Variants in PCDHA8 observed in about 807,000 individuals in gnomAD.
PCDHA8 encodes protocadherin alpha-8.
Under a neutral mutation model 61.8 loss-of-function variants are expected in PCDHA8, and 53 were observed. The ratio of observed to expected loss-of-function variants is 0.86; its 90% CI spans 0.69 to 1.08. PCDHA8 has a LOEUF of 1.08. Among genes scored for constraint, PCDHA8 ranks in the 50% least tolerant of loss-of-function variants. PCDHA8 has a pLI of 0.00. For synonymous variants in PCDHA8, 618 were observed against 556.6 expected, an observed-to-expected ratio of 1.11 and a Z score of -1.55; for missense variants, 1,293 against 1,245.0, an observed-to-expected ratio of 1.04 and a Z score of -0.58.
chr5:140,948,107 C>T (rs1156492592), intron 1 of PCDHA8, among the ~76,000 whole-genome samples: 3 of 151,432 alleles, frequency 2.0e-5, no homozygotes, highest in Middle Eastern at 3.2e-3. Flanking sequence ...GATTTTTCTT[C>T]GTTTTACTAA....
At position 140,929,044 on chromosome 5, in the gene PCDHA8, T is replaced by C. The variant is rs17844369; in HGVS notation, c.2395-49905T>C. ...GAGCCCAGGCTGTTGCGCTCAGAGC[T>C]GCTGTCGCTCTACAGAGGATCTGAG... On this transcript the variant is annotated intron_variant, in intron 1 of 3. Coordinates refer to ENST00000531613, the MANE Select transcript of PCDHA8 (RefSeq NM_018911.3). 7 of 1,614,100 alleles carry C rather than the reference T, an allele frequency of 4.3e-6. No individual in the cohort carries two copies. The East Asian group carries it at 1.6e-4, about 36-fold the overall frequency.
chr5:140,950,917 A>ACT (rs1554219681), intron 1 of PCDHA8, among the ~76,000 whole-genome samples: 4 of 151,642 alleles, frequency 2.6e-5, no homozygotes, highest in African/African-American at 9.7e-5. Context: ...ATTTTATTTC[A>ACT]GTTCTTTTTC....
Position 140,973,415 on chromosome 5 carries a change from A to C in PCDHA8, c.2395-5534A>C, listed in dbSNP as rs552618579. On this transcript the variant is annotated intron_variant, in intron 1 of 3. Coordinates refer to ENST00000531613, the MANE Select transcript of PCDHA8 (RefSeq NM_018911.3). ...AATCATATCTATGAGCTTCCACTCC[A>C]GTTTTTCATCCTCTGATGGTCACTT... Among the ~76,000 whole-genome samples the C allele has an allele frequency of 1.8e-3, 272 of 152,344 alleles. 1 individual carries two copies. Among genetic ancestry groups the C allele is most frequent in the Non-Finnish European group, 3.1e-3 (212 of 68,028 alleles).
Position 140,862,133 on chromosome 5 carries a change from T to C in PCDHA8, c.2394+18418T>C, listed in dbSNP as rs188346525. ...GTGGATAAATAAATGTAAAGATAGGTTTTGAGGAAACTAAATAATGAAAGA... is the reference window on the plus strand; with the variant it reads ...GTGGATAAATAAATGTAAAGATAGGCTTTGAGGAAACTAAATAATGAAAGA... On this transcript the variant is annotated intron_variant, in intron 1 of 3. Transcript: ENST00000531613. The C allele has an allele frequency of 2.2e-3, 352 of 163,204 alleles. 2 individuals carry two copies. Among genetic ancestry groups the C allele is most frequent in the South Asian group, 2.0e-3 (12 of 5,916 alleles). The allele number at this position is 163,204 out of a possible 1,614,324, so 10.1% of individuals were successfully genotyped here.
intron 1 of PCDHA8, chr5:140,969,446 C>A (rs782526198): frequency 6.5e-7 from 1 of 1,541,082 alleles, no homozygotes; most frequent in African/African-American, 1.4e-5. Flanking sequence ...ATCTGGTAAA[C>A]TGAGTATATA....
At chr5:140,877,792 C>T (rs782259804) in intron 1 of PCDHA8, 1 of 1,614,004 alleles carries the variant, frequency 6.2e-7, no homozygotes, top group Non-Finnish European at 8.5e-7. Context: ...GGCCTTCAGC[C>T]CAAGCCTTCA....
chr5:140,849,741 G>A, intron 1 of PCDHA8: 2 of 1,598,488 alleles, frequency 1.3e-6, no homozygotes, highest in Non-Finnish European at 8.6e-7. Context: ...TCTGGACCGC[G>A]AGAGTGTGTC....
chr5:140,900,141 A>G (rs2067777266), intron 1 of PCDHA8, among the ~76,000 whole-genome samples: 1 of 152,202 alleles, frequency 6.6e-6, no homozygotes, highest in Middle Eastern at 3.2e-3. Context: ...ACAAATAAGT[A>G]AGAACATACG....
At chr5:140,883,774 T>C (rs782252577) in intron 1 of PCDHA8, 10 of 1,612,152 alleles carry the variant, frequency 6.2e-6, no homozygotes, top group South Asian at 5.5e-5. Flanking sequence ...TGGGCGAGCG[T>C]GCGCTGTCGA....
At chr5:140,929,213 A>G (rs199608631) in intron 1 of PCDHA8, 6 of 1,613,934 alleles carry the variant, frequency 3.7e-6, no homozygotes, top group Admixed American at 1.7e-5. Context: ...TTGCGTGGGG[A>G]GTACAATGCT....
chr5:140,954,978 A>C (rs1268797182), intron 1 of PCDHA8, among the ~76,000 whole-genome samples: 2 of 152,176 alleles, frequency 1.3e-5, no homozygotes, highest in African/African-American at 4.8e-5. Context: ...GTCCAGTTTC[A>C]ATTTTCTGCA....
At chr5:140,877,189 G>A in intron 1 of PCDHA8, 1 of 1,613,808 alleles carries the variant, frequency 6.2e-7, no homozygotes, top group Non-Finnish European at 8.5e-7. Flanking sequence ...GGCTGGCAGC[G>A]CAGGAGGCGC....
At chr5:140,848,360 G>A (rs1475773357) in intron 1 of PCDHA8, 1 of 1,069,390 alleles carries the variant, frequency 9.4e-7, no homozygotes, top group Non-Finnish European at 1.4e-6. Context: ...TTTCCCATGG[G>A]AAAGAGGCTC....
chr5:140,990,686 G>A (rs1391341936), intron 3 of PCDHA8, among the ~76,000 whole-genome samples: 1 of 152,124 alleles, frequency 6.6e-6, no homozygotes, highest in Admixed American at 6.5e-5. Context: ...AGCTGCTTTC[G>A]GAGAGTCCAG....
At chr5:140,927,616 G>C in intron 1 of PCDHA8, 1 of 1,614,164 alleles carries the variant, frequency 6.2e-7, no homozygotes, top group Non-Finnish European at 8.5e-7. Flanking sequence ...CCGCACCAAG[G>C]TTCCAGAGAC....
intron 3 of PCDHA8, among the ~76,000 whole-genome samples, chr5:140,990,557 A>G (rs782726055): frequency 2.0e-5 from 3 of 152,166 alleles, no homozygotes; most frequent in Non-Finnish European, 4.4e-5. Flanking sequence ...TTACCCAAGA[A>G]CACACACCTG....
chr5:140,928,943 T>C, intron 1 of PCDHA8: 1 of 1,614,090 alleles, frequency 6.2e-7, no homozygotes, highest in Non-Finnish European at 8.5e-7. Flanking sequence ...AACTTGTATT[T>C]AGTAATTGCC....
At position 141,010,065 on chromosome 5, in the gene PCDHA8, A is replaced by G; in HGVS notation, c.*128A>G. The stretch of plus-strand genomic sequence containing the variant: ...CTTAGAGACCTCAGAAATCTGCAGA[A>G]AGTTCCCTGTGTCTGTCTAGAACGC... On this transcript the variant is annotated 3_prime_UTR_variant, in exon 4 of 4. Coordinates refer to ENST00000531613, the MANE Select transcript of PCDHA8 (RefSeq NM_018911.3). The G allele has an allele frequency of 1.9e-6, 3 of 1,603,546 alleles. No homozygotes were observed. The highest frequency in any genetic ancestry group is 1.1e-5 in the South Asian group (1 of 89,360).
At position 140,848,200 on chromosome 5, in the gene PCDHA8, A is replaced by G. The variant is rs1011742191; in HGVS notation, c.2394+4485A>G. On this transcript the variant is annotated intron_variant, in intron 1 of 3. Transcript: ENST00000531613. ...AGAAACGGGATCTTCTGTTTCAACA[A>G]TCATTACTTAAGAAAAAATTAAGAA... is the stretch of plus-strand genomic sequence containing the variant. 48 of 323,068 alleles carry G rather than the reference A, an allele frequency of 1.5e-4. 5 individuals carry two copies. Among genetic ancestry groups the G allele is most frequent in the Non-Finnish European group, 1.1e-5 (2 of 175,496 alleles). 20.0% of individuals were successfully genotyped at this position (323,068 alleles called of 1,614,324 possible). A position where few individuals can be genotyped will look rare whatever the true frequency, so the allele number is the denominator to read the frequency against.
Sources: allele counts gnomAD v4.1 joint callset (sites outside exome capture counted in the v4.1 genomes callset), GRCh38; gene constraint gnomAD v4.1.1; transcripts MANE v1.5; gene names NCBI Gene and HGNC (gene_info 2026-07-23, HGNC 2026-07-21).